Variants in CELF4 observed in about 807,000 individuals in gnomAD.
CELF4 encodes CUG-BP- and ETR-3-like factor 4.
A neutral mutation model predicts 59.9 loss-of-function variants in CELF4; 18 were observed. That is an observed-to-expected ratio of 0.30 (90% CI 0.21 to 0.45). The LOEUF is 0.45. CELF4 is among the 20% of genes least tolerant of loss of function. The pLI is 1.00. For missense variants in CELF4, 456 were observed against 689.0 expected (o/e 0.66, Z 3.79); for synonymous variants, 261 against 267.1 (o/e 0.98, Z 0.22).
At chr18:37,252,586 C>T (rs1386905253) in intron 12 of CELF4, among the ~76,000 whole-genome samples, 1 of 151,472 alleles carries the variant, frequency 6.6e-6, no homozygotes, top group Non-Finnish European at 1.5e-5. Context: ...TCTGCAGCCC[C>T]ACCTTGCAGC....
intron 2 of CELF4, among the ~76,000 whole-genome samples, chr18:37,422,151 A>T (rs2099582135): frequency 6.6e-6 from 1 of 152,186 alleles, no homozygotes; most frequent in Non-Finnish European, 1.5e-5. Context: ...CCAGGAGATC[A>T]CAGAAGAGGC....
At chr18:37,504,908 C>A (rs1329126532) in intron 1 of CELF4, among the ~76,000 whole-genome samples, 2 of 152,214 alleles carry the variant, frequency 1.3e-5, no homozygotes, top group Non-Finnish European at 2.9e-5. Context: ...AAGAAAAGGG[C>A]CTGAGCCACA....
At chr18:37,313,772 G>A (rs2154495602) in intron 3 of CELF4, among the ~76,000 whole-genome samples, 1 of 152,360 alleles carries the variant, frequency 6.6e-6, no homozygotes, top group South Asian at 2.1e-4. Flanking sequence ...GGAACCGATA[G>A]GGCTACAGAT....
intron 2 of CELF4, among the ~76,000 whole-genome samples, chr18:37,424,173 G>A (rs1418476913): frequency 6.6e-6 from 1 of 152,188 alleles, no homozygotes; most frequent in Non-Finnish European, 1.5e-5. Context: ...GCAAGGGCCT[G>A]ATTTGCTGTT....
intron 1 of CELF4, among the ~76,000 whole-genome samples, chr18:37,557,786 C>G (rs2154606154): frequency 6.6e-6 from 1 of 152,214 alleles, no homozygotes; most frequent in East Asian, 1.9e-4. Flanking sequence ...AGGACTATGT[C>G]TCTCTCCATG....
At chr18:37,287,728 C>T (rs149244987) in intron 3 of CELF4, among the ~76,000 whole-genome samples, 2 of 152,274 alleles carry the variant, frequency 1.3e-5, no homozygotes, top group Non-Finnish European at 2.9e-5. Context: ...CTTAAGTACA[C>T]GGTGTATTAA....
intron 2 of CELF4, among the ~76,000 whole-genome samples, chr18:37,403,210 A>G (rs1381255182): frequency 6.6e-6 from 1 of 151,940 alleles, no homozygotes; most frequent in Non-Finnish European, 1.5e-5. Context: ...TGGACTAAAC[A>G]CAGTCCCGGG....
intron 2 of CELF4, among the ~76,000 whole-genome samples, chr18:37,439,748 G>A (rs771416960): frequency 6.6e-6 from 1 of 152,192 alleles, no homozygotes; most frequent in African/African-American, 2.4e-5. Context: ...TGGGAGGCAG[G>A]GCTCAGTTTG....
intron 1 of CELF4, among the ~76,000 whole-genome samples, chr18:37,553,792 G>A (rs2154605993): frequency 6.6e-6 from 1 of 152,270 alleles, no homozygotes; most frequent in South Asian, 2.1e-4. Flanking sequence ...GTAAGGGGTA[G>A]GGTGCGGGAG....
At chr18:37,559,054 T>C (rs1302924862) in intron 1 of CELF4, among the ~76,000 whole-genome samples, 2 of 152,062 alleles carry the variant, frequency 1.3e-5, no homozygotes, top group Non-Finnish European at 2.9e-5. Flanking sequence ...CCAGGACTTC[T>C]GGATGGGGAT....
chr18:37,402,748 C>CCA (rs1310216102), intron 2 of CELF4, among the ~76,000 whole-genome samples: 4 of 152,226 alleles, frequency 2.6e-5, no homozygotes, highest in Non-Finnish European at 5.9e-5. Flanking sequence ...CCCACCTTGT[C>CCA]CACACCTAGC....
chr18:37,295,990 C>A (rs796333119), intron 3 of CELF4, among the ~76,000 whole-genome samples: 6 of 152,324 alleles, frequency 3.9e-5, no homozygotes, highest in African/African-American at 1.4e-4. Context: ...GTGAGGAGCT[C>A]TGAAGTCCTC....
At chr18:37,502,180 T>G in intron 1 of CELF4, among the ~76,000 whole-genome samples, 1 of 152,152 alleles carries the variant, frequency 6.6e-6, no homozygotes, top group East Asian at 1.9e-4. Context: ...TCGAGCTAAC[T>G]TTTGGGGAGT....
At chr18:37,331,609 G>A (rs1001356854) in intron 2 of CELF4, among the ~76,000 whole-genome samples, 13 of 152,136 alleles carry the variant, frequency 8.5e-5, no homozygotes, top group South Asian at 4.2e-4. Context: ...AGGCATGAGC[G>A]AACTGCAGTG....
chr18:37,296,372 T>C (rs538674452), intron 3 of CELF4, among the ~76,000 whole-genome samples: 1 of 152,316 alleles, frequency 6.6e-6, no homozygotes, highest in African/African-American at 2.4e-5. Context: ...ATTTTTGTAC[T>C]TGTTGTAGAA....
chr18:37,275,969 A>G (rs1261885056), intron 3 of CELF4: 1 of 152,240 alleles, frequency 6.6e-6, no homozygotes, highest in African/African-American at 2.4e-5. Context: ...GAGGCCCTCC[A>G]TTTAGTGATG....
intron 3 of CELF4, among the ~76,000 whole-genome samples, chr18:37,298,992 G>A (rs1193184533): frequency 1.3e-5 from 2 of 152,212 alleles, no homozygotes; most frequent in Non-Finnish European, 2.9e-5. Flanking sequence ...GGCTGTGCTT[G>A]CTAACCTTCT....
chr18:37,308,510 G>A (rs946894216), intron 3 of CELF4, among the ~76,000 whole-genome samples: 8 of 152,172 alleles, frequency 5.3e-5, no homozygotes, highest in African/African-American at 1.9e-4. Flanking sequence ...TGGATGCTCA[G>A]CATGCTGCCG....
chr18:37,437,556 T>C (rs2099696979), intron 2 of CELF4, among the ~76,000 whole-genome samples: 1 of 152,216 alleles, frequency 6.6e-6, no homozygotes, highest in Admixed American at 6.5e-5. Context: ...GCTTCCCCAC[T>C]CCCACCCATC....
Sources: allele counts gnomAD v4.1 joint callset (sites outside exome capture counted in the v4.1 genomes callset), GRCh38; gene constraint gnomAD v4.1.1; transcripts MANE v1.5; gene names NCBI Gene and HGNC (gene_info 2026-07-23, HGNC 2026-07-21).